CYP2U1: variants seen among roughly 807,000 people sequenced by gnomAD.
The protein encoded by CYP2U1 is cytochrome P450 2U1.
Under a neutral mutation model 42.8 loss-of-function variants are expected in CYP2U1, and 28 were observed. The ratio of observed to expected loss-of-function variants is 0.65; its 90% CI spans 0.48 to 0.90. CYP2U1 has a LOEUF of 0.90. Among genes scored for constraint, CYP2U1 ranks in the 40% least tolerant of loss-of-function variants. The pLI is 0.00. For synonymous variants in CYP2U1, 296 were observed against 278.9 expected, an observed-to-expected ratio of 1.06 and a Z score of -0.61; for missense variants, 642 against 693.8, an observed-to-expected ratio of 0.93 and a Z score of 0.84.
At chr4:107,940,345 C>T (rs1157842631) in intron 1 of CYP2U1, 2 of 152,060 alleles carry the variant, frequency 1.3e-5, no homozygotes, top group Non-Finnish European at 2.9e-5. Context: ...CTTGGCCTCC[C>T]AACCTGCTAG....
In CYP2U1 at chr4:107,931,640, G is replaced by T; in HGVS notation, c.-4G>T. On this transcript the variant is annotated 5_prime_UTR_variant, in exon 1 of 5. Coordinates refer to ENST00000332884, the MANE Select transcript of CYP2U1 (RefSeq NM_183075.3). ...GGGAACCCGAGGCCGCCGGCGCCCG[G>T]ACCATGTCGTCTCCGGGGCCGTCGC... is the stretch of plus-strand genomic sequence containing the variant. 8.0e-7 allele frequency: 1 copy of T among 1,257,638 alleles called. No homozygotes were observed. Among genetic ancestry groups the T allele is most frequent in the South Asian group, 3.3e-5 (1 of 30,658 alleles). 77.9% of individuals were successfully genotyped at this position (1,257,638 alleles called of 1,614,324 possible).
chr4:107,938,714 A>T (rs1355875184), intron 1 of CYP2U1: 2 of 152,154 alleles, frequency 1.3e-5, no homozygotes, highest in African/African-American at 4.8e-5. Context: ...AAGAGTCCTG[A>T]TTTTTGCTTC....
In CYP2U1 at chr4:107,943,007, T is replaced by C. The variant is rs1223511087; in HGVS notation, c.491-1963T>C. Among the ~76,000 whole-genome samples the C allele has an allele frequency of 3.9e-5, 6 of 152,328 alleles. No homozygotes were observed. In the East Asian group the frequency reaches 7.7e-4, roughly 20 times the overall value. On this transcript the variant is annotated intron_variant, in intron 1 of 4. Coordinates refer to ENST00000332884, the MANE Select transcript of CYP2U1 (RefSeq NM_183075.3). ...AAATCAGATGATAAAAGATCTGCTA[T>C]GCATTTCAAATATATAAGAAAAAGA...
rs1291220155 is a variant in CYP2U1, at chr4:107,950,594, C to CA, written c.*172dup. ...GGAGGTTTCATCTTGGAGGATTCCT[C>CA]AGCAGGATACTTCAGCCATTTTAGT... On this transcript the variant is annotated 3_prime_UTR_variant, in exon 5 of 5. Transcript: ENST00000332884. 1.4e-5 allele frequency: 8 copies of CA among 566,798 alleles called. No individual in the cohort carries two copies. Among genetic ancestry groups the CA allele is most frequent in the Non-Finnish European group, 2.3e-5 (8 of 351,182 alleles). The allele number at this position is 566,798 out of a possible 1,614,324, so 35.1% of individuals were successfully genotyped here.
In CYP2U1 at chr4:107,931,770, G is replaced by C. The variant is rs1031064765; in HGVS notation, c.127G>C (p.Val43Leu). The change falls in exon 1 of 5, where the codon GTA becomes CTA. Residue 43 changes from valine to leucine, a missense_variant. Coordinates refer to ENST00000332884, the MANE Select transcript of CYP2U1 (RefSeq NM_183075.3). ...GGGCGCGCTGCTGCTATGCGGCCTC[G>C]TAGCGCTGCTGGGCTGGAGCTGGCT... Reference protein sequence around the residue: ...SGGALLLCGLVALLGWSWLRR... With the variant: ...SGGALLLCGLLALLGWSWLRR... The C allele has an allele frequency of 2.3e-5, 34 of 1,486,916 alleles. No homozygotes were observed. The highest frequency in any genetic ancestry group is 2.8e-5 in the Non-Finnish European group (31 of 1,124,868). 92.1% of individuals were successfully genotyped at this position (1,486,916 alleles called of 1,614,324 possible). A position where few individuals can be genotyped will look rare whatever the true frequency, so the allele number is the denominator to read the frequency against.
chr4:107,933,325 G>A (rs1216244851), intron 1 of CYP2U1, among the ~76,000 whole-genome samples: 1 of 151,934 alleles, frequency 6.6e-6, no homozygotes, highest in African/African-American at 2.4e-5. Flanking sequence ...TGGTTAAGAT[G>A]GTAAATTTTA....
chr4:107,944,214 A>G (rs1032054659), intron 1 of CYP2U1, among the ~76,000 whole-genome samples: 14 of 152,152 alleles, frequency 9.2e-5, no homozygotes, highest in Admixed American at 3.3e-4. Flanking sequence ...CCTCATGTCA[A>G]TCTGTTGCTA....
At chr4:107,948,288 G>T (rs1733779469) in intron 3 of CYP2U1, among the ~76,000 whole-genome samples, 1 of 148,858 alleles carries the variant, frequency 6.7e-6, no homozygotes, top group South Asian at 2.1e-4. Context: ...AAAGGGCTGG[G>T]TGCGGTGGCT....
At chr4:107,933,241 C>A (rs560001444) in intron 1 of CYP2U1, among the ~76,000 whole-genome samples, 2 of 152,134 alleles carry the variant, frequency 1.3e-5, no homozygotes, top group Admixed American at 1.3e-4. Flanking sequence ...GAAAAAAGTT[C>A]TATGGATGGA....
rs1010581109 is a variant in CYP2U1, at chr4:107,945,021, C to G, written c.542C>G (p.Ser181Cys). ...GPVWRQQRKF[S>C]HSTLRHFGLG... is the part of the protein sequence containing the mutation. Reference sequence around the variant, plus strand: ...GTCTGGAGACAACAAAGGAAGTTCTCTCATTCAACTCTTCGTCATTTTGGG... The same window carrying G: ...GTCTGGAGACAACAAAGGAAGTTCTGTCATTCAACTCTTCGTCATTTTGGG... The change falls in exon 2 of 5, where the codon TCT becomes TGT. Residue 181 changes from serine (S) to cysteine (C), a missense_variant. Coordinates refer to ENST00000332884, the MANE Select transcript of CYP2U1 (RefSeq NM_183075.3). 6.2e-7 allele frequency: 1 copy of G among 1,613,336 alleles called. No homozygotes were observed. The highest frequency in any genetic ancestry group is 8.5e-7 in the Non-Finnish European group (1 of 1,179,876).
intron 1 of CYP2U1, among the ~76,000 whole-genome samples, chr4:107,944,613 A>C (rs970295276): frequency 1.3e-5 from 2 of 151,554 alleles, no homozygotes; most frequent in African/African-American, 4.8e-5. Flanking sequence ...TCCACCTGAG[A>C]AATTTTCTAA....
chr4:107,946,832 C>G (rs2126200596), intron 2 of CYP2U1, among the ~76,000 whole-genome samples: 1 of 152,122 alleles, frequency 6.6e-6, no homozygotes, highest in African/African-American at 2.4e-5. Flanking sequence ...TTCCATAAGG[C>G]CACTTCACTT....
intron 1 of CYP2U1, among the ~76,000 whole-genome samples, chr4:107,934,866 C>T (rs1249333182): frequency 6.6e-6 from 1 of 152,202 alleles, no homozygotes; most frequent in South Asian, 2.1e-4. Context: ...TTGGTCAATG[C>T]CCAGTACCAC....
intron 3 of CYP2U1, among the ~76,000 whole-genome samples, chr4:107,948,249 A>G (rs187052742): frequency 9.3e-5 from 12 of 129,364 alleles, no homozygotes; most frequent in Admixed American, 1.7e-4. Flanking sequence ...GTGATGGAGC[A>G]AGCCTCTGTC....
At chr4:107,934,459 C>T (rs918103648) in intron 1 of CYP2U1, among the ~76,000 whole-genome samples, 1 of 152,140 alleles carries the variant, frequency 6.6e-6, no homozygotes, top group Non-Finnish European at 1.5e-5. Flanking sequence ...TCTAAAGCTA[C>T]CATCATTTCT....
chr4:107,953,307 C>T lies in CYP2U1; in HGVS notation c.*2884C>T, dbSNP rs1200272738. On this transcript the variant is annotated 3_prime_UTR_variant, in exon 5 of 5. Transcript: ENST00000332884. Reference sequence around the variant, plus strand: ...TAAATTGCTAAAAGGACTGTTAATGCTTTTCTCAGACACATTGGCATTTTA... The same window carrying T: ...TAAATTGCTAAAAGGACTGTTAATGTTTTTCTCAGACACATTGGCATTTTA... 6.6e-6 allele frequency: 1 copy of T among 152,146 alleles called. No homozygotes were observed. Among genetic ancestry groups the T allele is most frequent in the Non-Finnish European group, 1.5e-5 (1 of 68,040 alleles). The allele number at this position is 152,146 out of a possible 1,614,324, so 9.4% of individuals were successfully genotyped here. A position where few individuals can be genotyped will look rare whatever the true frequency, so the allele number is the denominator to read the frequency against.
chr4:107,946,682 A>T (rs938974409), intron 2 of CYP2U1, among the ~76,000 whole-genome samples: 5 of 152,134 alleles, frequency 3.3e-5, no homozygotes, highest in African/African-American at 1.2e-4. Context: ...GGAATCCAGG[A>T]ATGACTTCCA....
intron 1 of CYP2U1, among the ~76,000 whole-genome samples, chr4:107,934,063 T>G (rs1462916171): frequency 6.6e-6 from 1 of 152,196 alleles, no homozygotes; most frequent in Non-Finnish European, 1.5e-5. Context: ...CTTGATCATG[T>G]GGTAATTCTA....
chr4:107,947,273 A>G, intron 2 of CYP2U1, 103 bp from the exon 3 acceptor site: 1 of 1,005,180 alleles, frequency 9.9e-7, no homozygotes, highest in Non-Finnish European at 1.5e-6. Flanking sequence ...TGAACTGCCA[A>G]CTGACCAGTT....
Sources: gnomAD v4.1 joint callset for allele counts (sites outside exome capture counted in the v4.1 genomes callset) on GRCh38, gnomAD v4.1.1 for gene constraint, MANE v1.5 for transcripts, NCBI Gene and HGNC (gene_info 2026-07-23, HGNC 2026-07-21) for gene names.